Variants in SPRR2G observed in about 807,000 individuals in gnomAD.
SPRR2G encodes the protein small proline-rich protein 2G.
Under a neutral mutation model 0.7 loss-of-function variants are expected in SPRR2G, and 1 was observed. The observed-to-expected ratio is 1.49, with a 90% CI of 0.53 to 7.06. SPRR2G has a LOEUF of 7.06. Ranked by LOEUF, SPRR2G falls within the 30% of genes most tolerant of loss-of-function variation. The pLI, the probability that SPRR2G is intolerant of heterozygous loss-of-function variation, is 0.14. For missense variants in SPRR2G, 96 were observed against 88.5 expected (o/e 1.09, Z -0.34); for synonymous variants, 38 against 33.9 (o/e 1.12, Z -0.42).
At chr1:153,165,140 G>A in the SPRR2G span, among the ~76,000 whole-genome samples, 3,351 of 152,006 alleles carry the variant, frequency 0.022, 108 homozygotes, top group East Asian at 0.1. Context: ...CTTTCAGGAT[G>A]GGATTTAGAA....
At chr1:153,201,153 G>C in the SPRR2G span, among the ~76,000 whole-genome samples, 1 of 152,296 alleles carries the variant, frequency 6.6e-6, no homozygotes, top group African/African-American at 2.4e-5. Context: ...CGTCTCAGTA[G>C]TAGTTCCTTC....
chr1:153,150,161 A>G (rs1656435076), intron 1 of SPRR2G, 30 bp from the exon 2 acceptor site: 1 of 1,607,064 alleles, frequency 6.2e-7, no homozygotes, highest in Admixed American at 1.7e-5. Flanking sequence ...CAGTGCTCAT[A>G]AGAGAGACAG....
chr1:153,184,229 A>C, the SPRR2G span, among the ~76,000 whole-genome samples: 5 of 152,310 alleles, frequency 3.3e-5, no homozygotes, highest in African/African-American at 1.2e-4. Context: ...CATGAAATTT[A>C]AAGTACTTTT....
At chr1:153,189,193 T>C in the SPRR2G span, among the ~76,000 whole-genome samples, 1 of 152,236 alleles carries the variant, frequency 6.6e-6, no homozygotes, top group Non-Finnish European at 1.5e-5. Context: ...TTTATATTGT[T>C]TTCTTCTACT....
At chr1:153,156,277 G>C in the SPRR2G span, among the ~76,000 whole-genome samples, 2 of 152,028 alleles carry the variant, frequency 1.3e-5, no homozygotes, top group African/African-American at 4.8e-5. Context: ...CACTACATTA[G>C]CCCTGCCAAA....
the SPRR2G span, among the ~76,000 whole-genome samples, chr1:153,186,559 T>C: frequency 5.9e-5 from 9 of 151,966 alleles, no homozygotes; most frequent in African/African-American, 2.2e-4. Flanking sequence ...TTTTTCTATT[T>C]GCTACATCCC....
In SPRR2G at chr1:153,149,919, G is replaced by A; in HGVS notation, c.192C>T (p.Cys64=). ...KCPPVQPYPP[C]QQKYPPKSK is the part of the protein sequence containing the mutation. ...TGCTCTTGGGTGGATACTTCTGCTG[G>A]CAGGGTGGGTATGGTTGCACAGGAG... is the stretch of plus-strand genomic sequence containing the variant. The change falls in exon 2 of 2, where the codon TGC becomes TGT. Residue 64 remains cysteine, a synonymous_variant. Transcript: ENST00000368748. The A allele has an allele frequency of 1.2e-6, 2 of 1,614,064 alleles. No individual in the cohort carries two copies. Among genetic ancestry groups the A allele is most frequent in the Non-Finnish European group, 1.7e-6 (2 of 1,180,018 alleles).
the SPRR2G span, among the ~76,000 whole-genome samples, chr1:153,194,706 G>A: frequency 6.6e-6 from 1 of 152,204 alleles, no homozygotes; most frequent in Non-Finnish European, 1.5e-5. Context: ...TCATTGCAAT[G>A]TGAGAATGAT....
the SPRR2G span, among the ~76,000 whole-genome samples, chr1:153,192,619 TG>T: frequency 6.6e-6 from 1 of 152,348 alleles, no homozygotes; most frequent in Admixed American, 6.5e-5. Context: ...ATGTACCTGC[TG>T]GTTGATTTCA....
chr1:153,175,860 G>A, the SPRR2G span, among the ~76,000 whole-genome samples: 1 of 152,084 alleles, frequency 6.6e-6, no homozygotes, highest in Non-Finnish European at 1.5e-5. Context: ...CAAGGCAGGT[G>A]GATCACCTGA....
At chr1:153,173,495 C>T in the SPRR2G span, among the ~76,000 whole-genome samples, 1 of 152,180 alleles carries the variant, frequency 6.6e-6, no homozygotes, top group African/African-American at 2.4e-5. Context: ...ATCAGAAGCA[C>T]ATATTGAATG....
chr1:153,154,063 C>G (rs1352647690), upstream of SPRR2G, among the ~76,000 whole-genome samples: 1 of 151,126 alleles, frequency 6.6e-6, no homozygotes, highest in East Asian at 1.9e-4. Context: ...TTATCTGCCT[C>G]TATTTAGATT....
the SPRR2G span, among the ~76,000 whole-genome samples, chr1:153,174,887 G>A: frequency 2.0e-5 from 3 of 152,228 alleles, no homozygotes; most frequent in African/African-American, 7.2e-5. Flanking sequence ...AAATGACCTG[G>A]ATGGATGCTG....
At chr1:153,190,434 G>A in the SPRR2G span, 1 of 152,200 alleles carries the variant, frequency 6.6e-6, no homozygotes, top group Non-Finnish European at 1.5e-5. Context: ...GTCTACTGGG[G>A]TCTCCTCCCT....
the SPRR2G span, among the ~76,000 whole-genome samples, chr1:153,167,294 G>A: frequency 5.3e-3 from 803 of 152,172 alleles, 11 homozygotes; most frequent in Middle Eastern, 0.02. Flanking sequence ...GACCAACATG[G>A]AGAAATCCCA....
chr1:153,179,161 A>G, the SPRR2G span, among the ~76,000 whole-genome samples: 3 of 152,174 alleles, frequency 2.0e-5, no homozygotes, highest in Non-Finnish European at 4.4e-5. Context: ...TCTTCAGGGA[A>G]GATTTAGCTT....
the SPRR2G span, among the ~76,000 whole-genome samples, chr1:153,164,137 T>C: frequency 6.6e-6 from 1 of 152,238 alleles, no homozygotes; most frequent in African/African-American, 2.4e-5. Flanking sequence ...TTTTACATGA[T>C]TTTAAAATAA....
chr1:153,165,724 T>C, the SPRR2G span, among the ~76,000 whole-genome samples: 1 of 152,218 alleles, frequency 6.6e-6, no homozygotes, highest in East Asian at 1.9e-4. Flanking sequence ...TAATATATAA[T>C]AAAGTCCTGG....
At chr1:153,157,822 T>C in the SPRR2G span, among the ~76,000 whole-genome samples, 2 of 150,570 alleles carry the variant, frequency 1.3e-5, no homozygotes, top group Non-Finnish European at 2.9e-5. Context: ...TTTAACTGAC[T>C]CACAGTTCCC....
Sources: gnomAD v4.1 joint callset for allele counts (sites outside exome capture counted in the v4.1 genomes callset) on GRCh38, gnomAD v4.1.1 for gene constraint, MANE v1.5 for transcripts, NCBI Gene and HGNC (gene_info 2026-07-23, HGNC 2026-07-21) for gene names.